The following FHIT variants were observed in gnomAD, a reference collection of about 807,000 sequenced individuals.
The protein encoded by FHIT is fragile histidine triad diadenosine triphosphatase, also known as bis(5'-adenosyl)-triphosphatase.
Under a neutral mutation model 17.9 loss-of-function variants are expected in FHIT, and 19 were observed. The ratio of observed to expected loss-of-function variants is 1.06; its 90% confidence interval spans 0.74 to 1.56. FHIT has a LOEUF of 1.56. Ranked by LOEUF, FHIT falls within the 40% of genes most tolerant of loss-of-function variation. The pLI is 0.00. For missense variants in FHIT, 248 were observed against 189.2 expected (o/e 1.31, Z -1.82); for synonymous variants, 81 against 69.7 (o/e 1.16, Z -0.81).
intron 4 of FHIT, among the ~76,000 whole-genome samples, chr3:60,539,254 C>A (rs1380878410): frequency 6.6e-6 from 1 of 152,228 alleles, no homozygotes; most frequent in Admixed American, 6.5e-5. Context: ...TACAATCTCA[C>A]ACCAGCTAGA....
At chr3:60,620,648 G>A (rs1037771664) in intron 4 of FHIT, among the ~76,000 whole-genome samples, 2 of 152,072 alleles carry the variant, frequency 1.3e-5, no homozygotes, top group Non-Finnish European at 2.9e-5. Context: ...TCAGAGGAGG[G>A]GGAGGGAAAG....
chr3:60,932,819 C>T (rs1441433830), intron 3 of FHIT, among the ~76,000 whole-genome samples: 1 of 152,078 alleles, frequency 6.6e-6, no homozygotes, highest in Admixed American at 6.6e-5. Flanking sequence ...GAGGGTAGCC[C>T]CTAGCAGTTG....
intron 4 of FHIT, among the ~76,000 whole-genome samples, chr3:60,612,564 G>A (rs1462644655): frequency 6.6e-6 from 1 of 152,168 alleles, no homozygotes; most frequent in Non-Finnish European, 1.5e-5. Flanking sequence ...TATATCTATT[G>A]CTTAAAAACA....
At chr3:60,085,692 C>G (rs974609461) in intron 5 of FHIT, among the ~76,000 whole-genome samples, 17 of 152,186 alleles carry the variant, frequency 1.1e-4, no homozygotes, top group African/African-American at 4.1e-4. Flanking sequence ...TCTCCAAAGT[C>G]TTCTAAGTGT....
chr3:61,193,566 A>T (rs1049045836), intron 2 of FHIT, among the ~76,000 whole-genome samples: 2 of 152,150 alleles, frequency 1.3e-5, no homozygotes, highest in African/African-American at 4.8e-5. Flanking sequence ...GTGAGCAGAC[A>T]CTCCAAACAC....
At chr3:60,301,976 C>A (rs950914490) in intron 5 of FHIT, among the ~76,000 whole-genome samples, 1 of 151,924 alleles carries the variant, frequency 6.6e-6, no homozygotes, top group African/African-American at 2.4e-5. Flanking sequence ...AGTTTGCTCT[C>A]GGGAGATGAT....
intron 4 of FHIT, among the ~76,000 whole-genome samples, chr3:60,577,696 CTTT>C (rs1245228475): frequency 6.6e-6 from 1 of 152,024 alleles, no homozygotes; most frequent in African/African-American, 2.4e-5. Flanking sequence ...GGTTGGAAGT[CTTT>C]TTTATTTCTA....
intron 5 of FHIT, among the ~76,000 whole-genome samples, chr3:60,377,808 T>C (rs1164513683): frequency 6.6e-6 from 1 of 152,070 alleles, no homozygotes; most frequent in Non-Finnish European, 1.5e-5. Flanking sequence ...GAAAATATCC[T>C]AGTGAGAGCC....
At chr3:60,321,071 C>A (rs1001208743) in intron 5 of FHIT, among the ~76,000 whole-genome samples, 21 of 152,164 alleles carry the variant, frequency 1.4e-4, no homozygotes, top group Admixed American at 3.3e-4. Flanking sequence ...CGAAAACATG[C>A]TTGTTTCTCT....
chr3:60,929,504 T>C (rs1382966563), intron 3 of FHIT, among the ~76,000 whole-genome samples: 2 of 152,168 alleles, frequency 1.3e-5, no homozygotes, highest in Non-Finnish European at 2.9e-5. Context: ...GATAGGCAAC[T>C]TCAGCAAAGT....
intron 5 of FHIT, among the ~76,000 whole-genome samples, chr3:60,462,844 G>A (rs563355651): frequency 9.2e-5 from 14 of 152,130 alleles, no homozygotes; most frequent in Admixed American, 9.2e-4. Flanking sequence ...GACTTTTCTG[G>A]CTGTATCTAC....
At chr3:60,688,331 T>C (rs782541063) in intron 4 of FHIT, among the ~76,000 whole-genome samples, 1 of 152,114 alleles carries the variant, frequency 6.6e-6, no homozygotes, top group Non-Finnish European at 1.5e-5. Context: ...AACCAAAGGA[T>C]GATAATACTA....
intron 3 of FHIT, among the ~76,000 whole-genome samples, chr3:60,841,686 A>C (rs1702727845): frequency 6.6e-6 from 1 of 152,186 alleles, no homozygotes; most frequent in African/African-American, 2.4e-5. Context: ...AAGAAACCGC[A>C]AATGAAGGAT....
intron 5 of FHIT, among the ~76,000 whole-genome samples, chr3:60,288,164 G>A (rs1394646964): frequency 2.6e-5 from 4 of 152,144 alleles, no homozygotes; most frequent in Admixed American, 6.5e-5. Flanking sequence ...TTTATTCCTT[G>A]CTAGAGGAAG....
chr3:59,889,636 T>G (rs1703768910), intron 8 of FHIT, among the ~76,000 whole-genome samples: 1 of 152,222 alleles, frequency 6.6e-6, no homozygotes, highest in African/African-American at 2.4e-5. Context: ...TACAACGTGG[T>G]TGGAATGCTT....
At chr3:60,367,416 T>C (rs886370353) in intron 5 of FHIT, among the ~76,000 whole-genome samples, 7 of 152,192 alleles carry the variant, frequency 4.6e-5, no homozygotes, top group African/African-American at 1.7e-4. Flanking sequence ...ACTGTTTTTA[T>C]TAAACGGGAG....
intron 8 of FHIT, among the ~76,000 whole-genome samples, chr3:59,797,327 C>T (rs894610337): frequency 5.3e-5 from 8 of 151,992 alleles, no homozygotes; most frequent in South Asian, 2.1e-4. Flanking sequence ...GCTCAGATTA[C>T]GAGTGCCCAC....
chr3:59,846,656 A>G (rs943893776), intron 8 of FHIT, among the ~76,000 whole-genome samples: 11 of 152,184 alleles, frequency 7.2e-5, no homozygotes, highest in African/African-American at 2.2e-4. Context: ...AAATATATTT[A>G]CCAATACAAA....
At chr3:60,483,418 G>A (rs544703343) in intron 5 of FHIT, among the ~76,000 whole-genome samples, 13 of 152,216 alleles carry the variant, frequency 8.5e-5, no homozygotes, top group African/African-American at 1.7e-4. Context: ...GCATCAATGC[G>A]AAAATCCTCT....
Sources: allele counts gnomAD v4.1 joint callset (sites outside exome capture counted in the v4.1 genomes callset), GRCh38; gene constraint gnomAD v4.1.1; transcripts MANE v1.5; gene names NCBI Gene and HGNC (gene_info 2026-07-23, HGNC 2026-07-21).